RNF128: variants seen among roughly 807,000 people sequenced by gnomAD.
The protein encoded by RNF128 is E3 ubiquitin-protein ligase RNF128.
Under a neutral mutation model 26.2 loss-of-function variants are expected in RNF128, and 13 were observed. That is an observed-to-expected ratio of 0.50 (90% CI 0.32 to 0.79). RNF128 has a LOEUF of 0.79. Among genes scored for constraint, RNF128 ranks in the 30% least tolerant of loss-of-function variants. The pLI is 0.03. For synonymous variants in RNF128, 149 were observed against 142.5 expected, an observed-to-expected ratio of 1.05 and a Z score of -0.32; for missense variants, 315 against 349.7, an observed-to-expected ratio of 0.90 and a Z score of 0.79.
At chrX:106,700,026 T>C in intron 1 of RNF128, among the ~76,000 whole-genome samples, 1 of 102,311 alleles carries the variant, frequency 9.8e-6, no homozygotes, top group South Asian at 3.8e-4. Flanking sequence ...TTTATTTATT[T>C]AATTTTTTTT....
chrX:106,754,410 C>CTTT (rs150895665), intron 1 of RNF128, among the ~76,000 whole-genome samples: 903 of 35,782 alleles, frequency 0.025, 63 homozygotes, highest in African/African-American at 0.051. Flanking sequence ...TTTTCTTTCT[C>CTTT]TTTTTTTTTT....
At chrX:106,767,375 C>A (rs1472363817) in intron 1 of RNF128, among the ~76,000 whole-genome samples, 1 of 111,651 alleles carries the variant, frequency 9.0e-6, no homozygotes, top group Non-Finnish European at 1.9e-5. Context: ...TTGTTTGTGT[C>A]CTCTTTTATT....
At chrX:106,730,173 A>G (rs2147669515) in intron 1 of RNF128, among the ~76,000 whole-genome samples, 1 of 112,441 alleles carries the variant, frequency 8.9e-6, no homozygotes, top group Non-Finnish European at 1.9e-5. Flanking sequence ...AAACTCCACT[A>G]TATAAGAGCA....
At chrX:106,735,500 A>G (rs1486862286) in intron 1 of RNF128, among the ~76,000 whole-genome samples, 1 of 111,789 alleles carries the variant, frequency 8.9e-6, no homozygotes, top group East Asian at 2.8e-4. Flanking sequence ...AGGAGAAAGT[A>G]TTTGTTCTCT....
chrX:106,783,416 G>A (rs1930597511), intron 2 of RNF128, among the ~76,000 whole-genome samples: 1 of 111,163 alleles, frequency 9.0e-6, no homozygotes, highest in Admixed American at 9.7e-5. Context: ...ACATTTTATT[G>A]AGTATCTGCT....
At chrX:106,750,737 A>G (rs1260131255) in intron 1 of RNF128, among the ~76,000 whole-genome samples, 2 of 111,157 alleles carry the variant, frequency 1.8e-5, no homozygotes, top group Admixed American at 9.6e-5. Flanking sequence ...ATGACATCAC[A>G]CAAAAAAAAA....
intron 1 of RNF128, among the ~76,000 whole-genome samples, chrX:106,768,880 G>C (rs903840095): frequency 8.9e-6 from 1 of 111,993 alleles, no homozygotes; most frequent in Non-Finnish European, 1.9e-5. Context: ...TCTATACACT[G>C]CTTTGAATGT....
intron 1 of RNF128, among the ~76,000 whole-genome samples, chrX:106,696,059 C>G (rs988536794): frequency 6.3e-5 from 7 of 111,461 alleles, no homozygotes; most frequent in Non-Finnish European, 1.3e-4. Flanking sequence ...GGCAGTTAGA[C>G]TTATCATTCA....
intron 1 of RNF128, among the ~76,000 whole-genome samples, chrX:106,694,961 A>G (rs1309056359): frequency 6.3e-5 from 7 of 111,689 alleles, no homozygotes; most frequent in Non-Finnish European, 1.1e-4. Context: ...TTACCCATTG[A>G]AAAGTGTATG....
intron 1 of RNF128, among the ~76,000 whole-genome samples, chrX:106,709,450 T>G (rs774697585): frequency 5.3e-5 from 6 of 112,427 alleles, no homozygotes; most frequent in Non-Finnish European, 1.1e-4. Flanking sequence ...TTCATTTCAC[T>G]GAACTGTGCC....
intron 1 of RNF128, among the ~76,000 whole-genome samples, chrX:106,713,868 A>G (rs1929169444): frequency 9.0e-6 from 1 of 111,338 alleles, no homozygotes; most frequent in African/African-American, 3.3e-5. Context: ...CTCTGACCTC[A>G]GAAAGGTTAA....
At chrX:106,788,497 AT>A (rs1466698030) in intron 4 of RNF128, among the ~76,000 whole-genome samples, 56 of 54,940 alleles carry the variant, frequency 1.0e-3, no homozygotes, top group East Asian at 8.7e-3. Flanking sequence ...TATAATTATA[AT>A]TATATAATTA....
intron 1 of RNF128, among the ~76,000 whole-genome samples, chrX:106,702,588 A>G (rs1234759428): frequency 9.0e-6 from 1 of 111,691 alleles, no homozygotes. Context: ...CGAAGAGTAC[A>G]TTCCCTAGGC....
chrX:106,775,399 TTGTC>T (rs1182020910), intron 2 of RNF128, among the ~76,000 whole-genome samples: 1 of 111,877 alleles, frequency 8.9e-6, no homozygotes, highest in South Asian at 3.7e-4. Flanking sequence ...ATAAAGAACT[TTGTC>T]TGGTGTTACA....
chrX:106,795,493 G>A, intron 6 of RNF128, 87 bp from the exon 7 acceptor site: 2 of 896,705 alleles, frequency 2.2e-6, no homozygotes, highest in Non-Finnish European at 3.1e-6. Flanking sequence ...AATTAAATAA[G>A]AAAGACTTCT....
intron 1 of RNF128, among the ~76,000 whole-genome samples, chrX:106,714,810 C>CT (rs777110638): frequency 8.9e-4 from 100 of 111,885 alleles, no homozygotes; most frequent in Non-Finnish European, 1.4e-3. Flanking sequence ...TGTATGTAAA[C>CT]TTTTTGGGAT....
rs1305786012 is a variant in RNF128, at chrX:106,771,451, T to C, written c.485-1462T>C. Among the ~76,000 whole-genome samples the C allele has an allele frequency of 5.3e-5, 6 of 112,772 alleles. No individual in the cohort carries two copies. In the East Asian group the frequency reaches 1.7e-3, roughly 32 times the overall value. Reference sequence around the variant, plus strand: ...TGTTTACCTACTCAAGCCTCAGCAATGGCGTACGCCCCTCCCCCAGCCCCA... The same window carrying C: ...TGTTTACCTACTCAAGCCTCAGCAACGGCGTACGCCCCTCCCCCAGCCCCA... On this transcript the variant is annotated intron_variant, in intron 1 of 6. Transcript: ENST00000255499.
At chrX:106,742,852 T>G (rs933659715) in intron 1 of RNF128, among the ~76,000 whole-genome samples, 10 of 111,054 alleles carry the variant, frequency 9.0e-5, no homozygotes, top group African/African-American at 3.3e-4. Context: ...ATAATTAATT[T>G]TATTAAATCT....
intron 1 of RNF128, among the ~76,000 whole-genome samples, chrX:106,697,941 T>C (rs1272780058): frequency 9.2e-6 from 1 of 108,626 alleles, no homozygotes; most frequent in Non-Finnish European, 1.9e-5. Flanking sequence ...TATGTATATA[T>C]ACATATATTT....
Sources: allele counts gnomAD v4.1 joint callset (sites outside exome capture counted in the v4.1 genomes callset), GRCh38; gene constraint gnomAD v4.1.1; transcripts MANE v1.5; gene names NCBI Gene and HGNC (gene_info 2026-07-23, HGNC 2026-07-21).